The following PKD1L3 variants were observed in gnomAD, a reference collection of about 807,000 sequenced individuals.
The protein encoded by PKD1L3 is polycystin 1 like 3, transient receptor potential channel interacting.
In PKD1L3, 239 loss-of-function variants were observed where a neutral mutation model predicts 184.1. The ratio of observed to expected loss-of-function variants is 1.30; its 90% CI spans 1.17 to 1.45. The LOEUF is 1.45. PKD1L3 is among the 40% of genes most tolerant of loss of function. PKD1L3 has a pLI of 0.00. For synonymous variants in PKD1L3, 996 were observed against 778.8 expected, an observed-to-expected ratio of 1.28 and a Z score of -4.64; for missense variants, 2,660 against 2,067.2, an observed-to-expected ratio of 1.29 and a Z score of -5.56.
At chr16:71,954,054 A>T (rs2038952517) in intron 17 of PKD1L3, 51 bp downstream of exon 17, 24 of 1,395,190 alleles carry the variant, frequency 1.7e-5, no homozygotes, top group Non-Finnish European at 2.2e-5. Context: ...TGTCTCAAAA[A>T]AAAAAAAGGA....
chr16:71,982,539 C>A (rs1485168000), intron 6 of PKD1L3, among the ~76,000 whole-genome samples: 1 of 152,078 alleles, frequency 6.6e-6, no homozygotes, highest in African/African-American at 2.4e-5. Context: ...CCTACCCTGG[C>A]CTCCCAAAGT....
chr16:71,977,465 G>C lies in PKD1L3; in HGVS notation c.1530C>G (p.Ile510Met). ...QVHDLMEDIE[I>M]MLWRNVSLET... ...CCAAGCTAACATTTCTCCAGAGCAT[G>C]ATCTAGAATAAGAGACAGTTAATCA... is the stretch of plus-strand genomic sequence containing the variant. Residue 510 changes from isoleucine (I) to methionine (M), a missense_variant and splice_region_variant, in exon 11 of 30, where the codon ATC becomes ATG. By Grantham distance (10) the Ile-to-Met change is conservative. Coordinates refer to ENST00000620267, the MANE Select transcript of PKD1L3 (RefSeq NM_181536.2). 6.5e-7 allele frequency: 1 copy of C among 1,540,680 alleles called. No individual in the cohort carries two copies. Among genetic ancestry groups the C allele is most frequent in the Non-Finnish European group, 8.8e-7 (1 of 1,137,552 alleles).
Position 71,982,075 on chromosome 16 carries a change from T to A in PKD1L3, c.1127A>T (p.Lys376Met). The A allele has an allele frequency of 6.5e-7, 1 of 1,548,816 alleles. No individual in the cohort carries two copies. Among genetic ancestry groups the A allele is most frequent in the Non-Finnish European group, 8.7e-7 (1 of 1,145,754 alleles). ...KAGEGSWLES[K>M]RHTEPVEDIL... The stretch of plus-strand genomic sequence containing the variant: ...GGCACCTACCGGCTCAGTATGACGC[T>A]TGGATTCCAGCCAACTTCCTTCTCC... The change falls in exon 7 of 30, where the codon AAG becomes ATG. Residue 376 changes from lysine (K) to methionine (M), a missense_variant. Physicochemically the swap from Lys to Met is moderately conservative, Grantham distance 95. Transcript: ENST00000620267.
chr16:71,973,236 T>G, intron 12 of PKD1L3, 88 bp downstream of exon 12: 1 of 1,400,086 alleles, frequency 7.1e-7, no homozygotes, highest in Admixed American at 2.3e-5. Context: ...TTTTTCTTTC[T>G]GGGCTGCCCC....
At position 71,952,957 on chromosome 16, in the gene PKD1L3, G is replaced by A. The variant is rs771983071; in HGVS notation, c.2946C>T (p.Pro982=). 5.2e-6 allele frequency: 8 copies of A among 1,551,006 alleles called. No individual in the cohort carries two copies. The Middle Eastern group carries it at 5.0e-4, about 97-fold the overall frequency. The part of the protein sequence containing the change: ...EPQETLPLFP[P]IQASCLSDAS... Reference sequence around the variant, plus strand: ...CATCTGAGAGGCAGGAGGCCTGGATGGGAGGAAAGAGGGGCAGAGTCTCCT... The same window carrying A: ...CATCTGAGAGGCAGGAGGCCTGGATAGGAGGAAAGAGGGGCAGAGTCTCCT... Residue 982 remains proline (P), a synonymous_variant, in exon 18 of 30, where the codon CCC becomes CCT. Coordinates refer to ENST00000620267, the MANE Select transcript of PKD1L3 (RefSeq NM_181536.2).
chr16:71,997,673 G>C (rs143668592), intron 2 of PKD1L3, among the ~76,000 whole-genome samples: 1 of 152,060 alleles, frequency 6.6e-6, no homozygotes, highest in Admixed American at 6.6e-5. Flanking sequence ...ACTGGAACCC[G>C]GGAGGCGGAG....
chr16:71,961,739 T>G (rs2039288910), intron 16 of PKD1L3, among the ~76,000 whole-genome samples: 1 of 152,174 alleles, frequency 6.6e-6, no homozygotes, highest in South Asian at 2.1e-4. Context: ...ATGGCCTCAC[T>G]GAATTTCTGA....
intron 26 of PKD1L3, among the ~76,000 whole-genome samples, chr16:71,934,454 T>C (rs993965944): frequency 6.6e-6 from 1 of 152,100 alleles, no homozygotes; most frequent in African/African-American, 2.4e-5. Context: ...GAGCCAAATC[T>C]CTCCTCTCAA....
Position 71,947,508 on chromosome 16 carries a change from C to T in PKD1L3, c.3702G>A (p.Arg1234=). ...TTGAGTTACCCAAGAGTGCCAAGAT[C>T]CTCTTTGTTTGTTGTTCATTCTCTT... The part of the protein sequence containing the change: ...LNKENEQQTK[R]ILALLAKCSS... Residue 1234 remains arginine, a synonymous_variant, in exon 22 of 30, where the codon AGG becomes AGA. Coordinates refer to ENST00000620267, the MANE Select transcript of PKD1L3 (RefSeq NM_181536.2). The T allele has an allele frequency of 6.6e-7, 1 of 1,523,020 alleles. No homozygotes were observed. Among genetic ancestry groups the T allele is most frequent in the Non-Finnish European group, 8.9e-7 (1 of 1,129,878 alleles). 94.3% of individuals were successfully genotyped at this position (1,523,020 alleles called of 1,614,324 possible). A position where few individuals can be genotyped will look rare whatever the true frequency, so the allele number is the denominator to read the frequency against.
intron 3 of PKD1L3, chr16:71,991,246 A>G: frequency 4.3e-6 from 1 of 230,222 alleles, no homozygotes; most frequent in South Asian, 7.7e-5. Context: ...GAATAAAATG[A>G]TTTTGCTTTT....
chr16:71,931,293 CAG>C (rs1170520808), intron 28 of PKD1L3: 1 of 151,960 alleles, frequency 6.6e-6, no homozygotes, highest in Non-Finnish European at 1.5e-5. Context: ...AGAACCACAA[CAG>C]AACACAGCCT....
At chr16:71,975,686 C>T (rs144600738) in intron 11 of PKD1L3, among the ~76,000 whole-genome samples, 1 of 152,148 alleles carries the variant, frequency 6.6e-6, no homozygotes, top group Non-Finnish European at 1.5e-5. Context: ...CAATTAACAT[C>T]CTACTAAGTC....
intron 8 of PKD1L3, 36 bp from the exon 9 acceptor site, chr16:71,979,948 T>A (rs980779279): frequency 4.5e-6 from 7 of 1,549,632 alleles, no homozygotes; most frequent in Non-Finnish European, 5.2e-6. Context: ...TCAATTTTTG[T>A]GTGTCCTCTG....
intron 21 of PKD1L3, 116 bp downstream of exon 21, chr16:71,949,665 TTG>T: frequency 1.0e-6 from 1 of 964,082 alleles, no homozygotes. Context: ...GTTTGCCTAT[TTG>T]TTTTTTGTTG....
rs9921705 is a variant in PKD1L3, at chr16:71,954,321, G to A, written c.2613-20C>T. On this transcript the variant is annotated intron_variant, in intron 16 of 29. Coordinates refer to ENST00000620267, the MANE Select transcript of PKD1L3 (RefSeq NM_181536.2). ...AGATGTCTGAAAAGAGAAATCAGAAGAGGAAATACATGAGATTTTATTCTG... is the reference window on the plus strand; with the variant it reads ...AGATGTCTGAAAAGAGAAATCAGAAAAGGAAATACATGAGATTTTATTCTG... The A allele has an allele frequency of 0.24, 362,310 of 1,490,120 alleles. 49,157 individuals are homozygous for A. The highest frequency in any genetic ancestry group is 0.6 in the East Asian group (24,016 of 39,718). The allele number at this position is 1,490,120 out of a possible 1,614,324, so 92.3% of individuals were successfully genotyped here.
chr16:71,952,819 C>G, intron 18 of PKD1L3, 75 bp downstream of exon 18: 1 of 1,438,324 alleles, frequency 7.0e-7, no homozygotes, highest in Non-Finnish European at 9.3e-7. Context: ...GTCTGTGCAA[C>G]AGAGCCAGAC....
chr16:71,933,833 G>T, intron 27 of PKD1L3, 82 bp downstream of exon 27: 1 of 1,458,362 alleles, frequency 6.9e-7, no homozygotes, highest in Admixed American at 2.0e-5. Context: ...GGGTTTCTGT[G>T]TTGTGACCAT....
chr16:71,954,429 T>C, intron 16 of PKD1L3, 128 bp from the exon 17 acceptor site: 1 of 578,712 alleles, frequency 1.7e-6, no homozygotes, highest in Non-Finnish European at 2.9e-6. Flanking sequence ...CCTCTGTGAA[T>C]AAGCTTTCAG....
chr16:71,937,120 A>G (rs1460810514), intron 25 of PKD1L3, among the ~76,000 whole-genome samples, 172 bp downstream of exon 25: 1 of 152,070 alleles, frequency 6.6e-6, no homozygotes, highest in Non-Finnish European at 1.5e-5. Context: ...CAGTGGCGTG[A>G]TCTTAGCTCA....
Sources: allele counts gnomAD v4.1 joint callset (sites outside exome capture counted in the v4.1 genomes callset), GRCh38; gene constraint gnomAD v4.1.1; transcripts MANE v1.5; gene names NCBI Gene and HGNC (gene_info 2026-07-23, HGNC 2026-07-21).